TUSC3: variants seen among roughly 807,000 people sequenced by gnomAD.
The protein encoded by TUSC3 is dolichyl-diphosphooligosaccharide--protein glycosyltransferase subunit TUSC3.
TUSC3 carries 45 observed loss-of-function variants against 44.8 expected under a neutral mutation model. That is an observed-to-expected ratio of 1.00 (90% CI 0.79 to 1.29). The LOEUF (loss-of-function observed/expected upper bound fraction) is 1.29. TUSC3 is among the 50% of genes most tolerant of loss of function. TUSC3 has a pLI of 0.00. For synonymous variants in TUSC3, 212 were observed against 152.9 expected (o/e 1.39, Z -2.85); for missense variants, 519 against 437.9 (o/e 1.19, Z -1.65).
At chr8:15,710,405 G>C (rs1809793789) in intron 6 of TUSC3, among the ~76,000 whole-genome samples, 1 of 151,722 alleles carries the variant, frequency 6.6e-6, no homozygotes, top group Non-Finnish European at 1.5e-5. Context: ...TTTAAGCCTA[G>C]ATGAAATAAA....
At chr8:15,567,533 C>T (rs1231629610) in intron 1 of TUSC3, among the ~76,000 whole-genome samples, 1 of 152,096 alleles carries the variant, frequency 6.6e-6, no homozygotes, top group South Asian at 2.1e-4. Context: ...CCTGACAGGT[C>T]TTCAATTGTC....
chr8:15,760,055 G>C (rs1003040878), intron 10 of TUSC3, among the ~76,000 whole-genome samples: 2 of 151,984 alleles, frequency 1.3e-5, no homozygotes, highest in African/African-American at 4.8e-5. Context: ...CCGGTATCTA[G>C]TCATTATCCC....
the TUSC3 span, among the ~76,000 whole-genome samples, chr8:15,849,619 G>A: frequency 2.6e-5 from 4 of 152,128 alleles, no homozygotes; most frequent in Non-Finnish European, 4.4e-5. Context: ...GGGCAAAGTC[G>A]ACATGTTTCA....
At chr8:15,448,505 C>A (rs926998220) in intron 1 of TUSC3, among the ~76,000 whole-genome samples, 4 of 152,070 alleles carry the variant, frequency 2.6e-5, no homozygotes, top group Non-Finnish European at 5.9e-5. Context: ...ATGTCCCTCC[C>A]AACTCCCTAG....
At chr8:15,640,352 G>C (rs140338699) in intron 2 of TUSC3, among the ~76,000 whole-genome samples, 151 of 152,254 alleles carry the variant, frequency 9.9e-4, no homozygotes, top group African/African-American at 3.6e-3. Context: ...TTTTCCCTCT[G>C]CTGATTTTGC....
intron 6 of TUSC3, among the ~76,000 whole-genome samples, chr8:15,700,272 C>T (rs1049798995): frequency 1.2e-4 from 19 of 152,286 alleles, no homozygotes; most frequent in Middle Eastern, 3.4e-3. Context: ...TGAATAACTA[C>T]GGTATGCTTT....
chr8:15,670,201 A>AT (rs1212026715), intron 5 of TUSC3, among the ~76,000 whole-genome samples: 3 of 151,864 alleles, frequency 2.0e-5, no homozygotes, highest in East Asian at 1.9e-4. Flanking sequence ...ATTTGTGCAG[A>AT]TTTTTTTCTG....
intron 6 of TUSC3, among the ~76,000 whole-genome samples, chr8:15,688,515 A>T (rs1393308508): frequency 6.8e-6 from 1 of 146,346 alleles, no homozygotes; most frequent in African/African-American, 2.6e-5. Flanking sequence ...CAGGGGTTTG[A>T]TGTACAGATT....
intron 7 of TUSC3, 92 bp from the exon 8 acceptor site, chr8:15,743,446 T>C (rs1811277850): frequency 3.9e-6 from 5 of 1,292,108 alleles, no homozygotes; most frequent in Admixed American, 3.4e-5. Context: ...GCATTTGTAG[T>C]TTAACCATTC....
At chr8:15,735,401 G>T (rs191608811) in intron 7 of TUSC3, among the ~76,000 whole-genome samples, 17 of 152,284 alleles carry the variant, frequency 1.1e-4, no homozygotes, top group African/African-American at 3.6e-4. Flanking sequence ...ACAAGGTTTG[G>T]AGGGCAATGT....
intron 1 of TUSC3, among the ~76,000 whole-genome samples, chr8:15,454,897 G>A (rs1342718211): frequency 7.6e-6 from 1 of 131,844 alleles, no homozygotes; most frequent in Non-Finnish European, 1.6e-5. Flanking sequence ...TTCACGTAAA[G>A]TATATCAGTT....
chr8:15,586,202 C>G (rs1247568335), intron 1 of TUSC3, among the ~76,000 whole-genome samples: 1 of 152,122 alleles, frequency 6.6e-6, no homozygotes, highest in Non-Finnish European at 1.5e-5. Flanking sequence ...CAATTTAAGT[C>G]AGTAGTGACT....
At chr8:15,774,763 A>G in the TUSC3 span, among the ~76,000 whole-genome samples, 20 of 152,194 alleles carry the variant, frequency 1.3e-4, no homozygotes, top group Non-Finnish European at 4.4e-5. Flanking sequence ...GCAAATCAAA[A>G]TCAAAATGAC....
chr8:15,456,044 A>G (rs1338690330), intron 1 of TUSC3, among the ~76,000 whole-genome samples: 1 of 152,140 alleles, frequency 6.6e-6, no homozygotes, highest in African/African-American at 2.4e-5. Context: ...TACCCAGAAT[A>G]ATTCAATGTG....
chr8:15,795,294 T>C, the TUSC3 span, among the ~76,000 whole-genome samples: 4,319 of 152,206 alleles, frequency 0.028, 109 homozygotes, highest in South Asian at 0.11. Flanking sequence ...AAGCAGAAAA[T>C]GTAGGACAAT....
At chr8:15,678,146 A>G (rs1023113292) in intron 6 of TUSC3, among the ~76,000 whole-genome samples, 1 of 152,148 alleles carries the variant, frequency 6.6e-6, no homozygotes, top group African/African-American at 2.4e-5. Flanking sequence ...CTTTCCTACT[A>G]CAGTGGTAAG....
chr8:15,711,304 A>G (rs1171320239), intron 6 of TUSC3, among the ~76,000 whole-genome samples: 1 of 151,780 alleles, frequency 6.6e-6, no homozygotes, highest in African/African-American at 2.4e-5. Flanking sequence ...TTCATTAGGC[A>G]TAGAAGATTC....
the TUSC3 span, among the ~76,000 whole-genome samples, chr8:15,834,474 T>C: frequency 6.6e-6 from 1 of 152,174 alleles, no homozygotes; most frequent in Non-Finnish European, 1.5e-5. Context: ...AGAACAATAC[T>C]GTTTTTTAGA....
chr8:15,647,897 T>TAA (rs1806703259), intron 2 of TUSC3, among the ~76,000 whole-genome samples: 2 of 152,218 alleles, frequency 1.3e-5, no homozygotes, highest in African/African-American at 2.4e-5. Context: ...TGCACTTGTT[T>TAA]AGGAAACTTT....
Sources: gnomAD v4.1 joint callset for allele counts (sites outside exome capture counted in the v4.1 genomes callset) on GRCh38, gnomAD v4.1.1 for gene constraint, MANE v1.5 for transcripts, NCBI Gene and HGNC (gene_info 2026-07-23, HGNC 2026-07-21) for gene names.